The following AGBL1 variants were observed in gnomAD, a reference collection of about 807,000 sequenced individuals.
The protein encoded by AGBL1 is cytosolic carboxypeptidase 4.
AGBL1 carries 130 observed loss-of-function variants against 118.9 expected under a neutral mutation model. The ratio of observed to expected loss-of-function variants is 1.09; its 90% CI spans 0.95 to 1.26. AGBL1 has a LOEUF of 1.26. AGBL1 is among the 50% of genes most tolerant of loss of function. The pLI is 0.00. For synonymous variants in AGBL1, 555 were observed against 478.9 expected (o/e 1.16, Z -2.08); for missense variants, 1,584 against 1,298.1 (o/e 1.22, Z -3.38).
chr15:86,231,629 C>T (rs1393139536), intron 6 of AGBL1, among the ~76,000 whole-genome samples: 2 of 152,166 alleles, frequency 1.3e-5, no homozygotes, highest in Non-Finnish European at 2.9e-5. Context: ...ATGTCAGGCA[C>T]TCTATACACA....
chr15:86,122,969 C>G (rs1898177037), intron 1 of AGBL1, among the ~76,000 whole-genome samples: 1 of 152,172 alleles, frequency 6.6e-6, no homozygotes, highest in African/African-American at 2.4e-5. Context: ...CATCACATAA[C>G]AGATAGCAGG....
chr15:86,793,323 A>G (rs1174032436), intron 22 of AGBL1, among the ~76,000 whole-genome samples: 1 of 152,226 alleles, frequency 6.6e-6, no homozygotes, highest in Non-Finnish European at 1.5e-5. Flanking sequence ...GATAATCCAG[A>G]TATAAACCCA....
At chr15:87,028,420 G>T (rs1162384359) in intron 24 of AGBL1, among the ~76,000 whole-genome samples, 1 of 151,762 alleles carries the variant, frequency 6.6e-6, no homozygotes, top group Non-Finnish European at 1.5e-5. Context: ...ATTTCATATA[G>T]AACTTTTAAA....
intron 22 of AGBL1, among the ~76,000 whole-genome samples, chr15:86,904,836 AC>A (rs1230369140): frequency 3.9e-5 from 6 of 151,910 alleles, no homozygotes; most frequent in Non-Finnish European, 8.8e-5. Flanking sequence ...TTCTATATAT[AC>A]CCCTGTTATA....
chr15:86,618,547 T>G (rs965112045), intron 21 of AGBL1, among the ~76,000 whole-genome samples: 3 of 152,240 alleles, frequency 2.0e-5, no homozygotes, highest in African/African-American at 4.8e-5. Flanking sequence ...GCCTAGGGAA[T>G]CTGCATTTAA....
chr15:86,591,939 C>T (rs1034169781), intron 21 of AGBL1, among the ~76,000 whole-genome samples: 1 of 152,182 alleles, frequency 6.6e-6, no homozygotes, highest in East Asian at 1.9e-4. Flanking sequence ...ACATACAAAA[C>T]ATCACTGTGG....
At chr15:86,625,383 T>G (rs2084870680) in intron 21 of AGBL1, among the ~76,000 whole-genome samples, 1 of 38,846 alleles carries the variant, frequency 2.6e-5, no homozygotes, top group African/African-American at 1.2e-4. Flanking sequence ...TTTTTTGTTT[T>G]TGTTTTTTTT....
chr15:86,905,991 G>GAGC (rs1219600627), intron 22 of AGBL1, among the ~76,000 whole-genome samples: 1 of 152,222 alleles, frequency 6.6e-6, no homozygotes, highest in Admixed American at 6.5e-5. Flanking sequence ...GCAGCCTGGA[G>GAGC]AGCACAGAAG....
chr15:86,534,021 G>A (rs2083386825), intron 19 of AGBL1, among the ~76,000 whole-genome samples: 1 of 122,934 alleles, frequency 8.1e-6, no homozygotes, highest in Non-Finnish European at 1.7e-5. Context: ...TAGATAACGA[G>A]TTAGTGGGTG....
intron 1 of AGBL1, among the ~76,000 whole-genome samples, chr15:86,124,329 C>CAA (rs71144030): frequency 0.036 from 3,392 of 93,048 alleles, 176 homozygotes; most frequent in African/African-American, 0.11. Context: ...GACTCTGTCT[C>CAA]AAAAAAAAAA....
At chr15:86,199,518 G>A (rs561851854) in intron 5 of AGBL1, among the ~76,000 whole-genome samples, 1 of 152,334 alleles carries the variant, frequency 6.6e-6, no homozygotes, top group East Asian at 1.9e-4. Flanking sequence ...CCATGTGCTG[G>A]ATGGTCCCCG....
chr15:86,320,100 A>T (rs1282783355), intron 17 of AGBL1, among the ~76,000 whole-genome samples: 1 of 152,070 alleles, frequency 6.6e-6, no homozygotes, highest in Non-Finnish European at 1.5e-5. Flanking sequence ...TTCACTTCTA[A>T]ATAAATTTTG....
exon 25 of AGBL1, chr15:87,028,846 C>T: frequency 1.2e-6 from 2 of 1,604,560 alleles, no homozygotes; most frequent in Non-Finnish European, 1.7e-6. Flanking sequence ...CTTGATGAGG[C>T]TCCCTTCAAA....
rs199592319 is a variant in AGBL1, at chr15:86,863,091, C to T, written c.3159-43996C>T. 4.6e-5 allele frequency among the ~76,000 whole-genome samples: 7 copies of T among 151,930 alleles called. No homozygotes were observed. The East Asian group carries it at 5.8e-4, about 13-fold the overall frequency. ...TTACTCTACTCACTAGTTAGAGGTT[C>T]GAAAACAATTAGAGAGATAGATTCC... is the stretch of plus-strand genomic sequence containing the variant. On this transcript the variant is annotated intron_variant, in intron 22 of 22. Transcript: ENST00000614907.
chr15:86,204,394 C>T (rs73445678), intron 5 of AGBL1, among the ~76,000 whole-genome samples: 2,152 of 152,220 alleles, frequency 0.014, 45 homozygotes, highest in South Asian at 0.044. Context: ...TTCCCATATA[C>T]CCCTTACCCT....
chr15:86,520,539 C>G (rs1179129336), intron 18 of AGBL1, among the ~76,000 whole-genome samples: 2 of 152,132 alleles, frequency 1.3e-5, no homozygotes, highest in African/African-American at 2.4e-5. Context: ...AATACGTGAG[C>G]CTTCTCCATG....
chr15:86,443,805 T>C (rs2082091131), intron 18 of AGBL1, among the ~76,000 whole-genome samples: 1 of 152,226 alleles, frequency 6.6e-6, no homozygotes, highest in African/African-American at 2.4e-5. Context: ...CTGAATAGTA[T>C]TCCATTGCAT....
At chr15:86,928,765 A>T (rs1471019932) in intron 23 of AGBL1, among the ~76,000 whole-genome samples, 5 of 152,210 alleles carry the variant, frequency 3.3e-5, no homozygotes, top group Non-Finnish European at 7.3e-5. Flanking sequence ...CATTTGAATG[A>T]ATGAAAGTAA....
chr15:86,349,687 C>T (rs935036929), intron 17 of AGBL1, among the ~76,000 whole-genome samples: 1 of 152,158 alleles, frequency 6.6e-6, no homozygotes, highest in Admixed American at 6.5e-5. Flanking sequence ...GTCAGTAGAG[C>T]ATATTCTGAG....
Sources: gnomAD v4.1 joint callset for allele counts (sites outside exome capture counted in the v4.1 genomes callset) on GRCh38, gnomAD v4.1.1 for gene constraint, MANE v1.5 for transcripts, NCBI Gene and HGNC (gene_info 2026-07-23, HGNC 2026-07-21) for gene names.